The following TRPM1 variants were observed in gnomAD, a reference collection of about 807,000 sequenced individuals.
The protein encoded by TRPM1 is transient receptor potential cation channel subfamily M member 1.
TRPM1 carries 113 observed loss-of-function variants against 149.4 expected under a neutral mutation model. The observed-to-expected ratio is 0.76, with a 90% confidence interval of 0.65 to 0.88. TRPM1 has a LOEUF of 0.88. Among genes scored for constraint, TRPM1 ranks in the 40% least tolerant of loss-of-function variants. TRPM1 has a pLI of 0.00. For missense variants in TRPM1, 1,976 were observed against 2,038.7 expected (o/e 0.97, Z 0.59); for synonymous variants, 741 against 759.5 (o/e 0.98, Z 0.40).
chr15:31,113,137 G>A (rs571977208), intron 1 of TRPM1, among the ~76,000 whole-genome samples: 1 of 152,064 alleles, frequency 6.6e-6, no homozygotes, highest in African/African-American at 2.4e-5. Flanking sequence ...ACCTCTCACT[G>A]TGTCTTCTGC....
intron 1 of TRPM1, among the ~76,000 whole-genome samples, chr15:31,139,040 A>G (rs2141050305): frequency 6.6e-6 from 1 of 152,138 alleles, no homozygotes; most frequent in Admixed American, 6.5e-5. Context: ...GGCACTTGAG[A>G]CTCAAGTGCA....
chr15:31,053,931 A>G (rs2034015201), intron 11 of TRPM1, among the ~76,000 whole-genome samples: 1 of 152,246 alleles, frequency 6.6e-6, no homozygotes, highest in African/African-American at 2.4e-5. Flanking sequence ...GACAAATGCT[A>G]CAACACGGAT....
chr15:31,120,983 CT>C (rs1308517396), intron 1 of TRPM1, among the ~76,000 whole-genome samples: 4 of 152,050 alleles, frequency 2.6e-5, no homozygotes, highest in Non-Finnish European at 5.9e-5. Flanking sequence ...AATCCCAGCA[CT>C]TTGGGAGGTC....
chr15:31,152,566 C>T (rs1277138605), intron 1 of TRPM1, among the ~76,000 whole-genome samples: 1 of 152,158 alleles, frequency 6.6e-6, no homozygotes, highest in East Asian at 1.9e-4. Flanking sequence ...TGACGGGAAG[C>T]AGGGGATTTG....
intron 1 of TRPM1, among the ~76,000 whole-genome samples, chr15:31,095,504 G>C (rs2035353766): frequency 6.6e-6 from 1 of 151,632 alleles, no homozygotes; most frequent in Admixed American, 6.6e-5. Context: ...GGCCAACATG[G>C]TGAAACCTCG....
intron 24 of TRPM1, among the ~76,000 whole-genome samples, chr15:31,029,003 G>C (rs1206251991): frequency 6.6e-6 from 1 of 151,884 alleles, no homozygotes; most frequent in South Asian, 2.1e-4. Context: ...TTGTTTTCTT[G>C]GTTTCACTGA....
chr15:31,002,972 T>C lies in TRPM1; in HGVS notation c.3728A>G (p.Glu1243Gly), dbSNP rs1451847812. Residue 1243 changes from glutamate (E) to glycine (G), a missense_variant, in exon 28 of 28, where the codon GAA becomes GGA. Transcript: ENST00000256552. Reference sequence around the variant, plus strand: ...ATTCACCATTCTGTTAGATAATTCTTCTAGCTGAGCAAGTCGAAGGTCAAC... The same window carrying C: ...ATTCACCATTCTGTTAGATAATTCTCCTAGCTGAGCAAGTCGAAGGTCAAC... ...QTVDLRLAQL[E>G]ELSNRMVNAL... is the part of the protein sequence containing the mutation. 1 of 1,598,090 alleles carries C rather than the reference T, an allele frequency of 6.3e-7. No homozygotes were observed. Among genetic ancestry groups the C allele is most frequent in the East Asian group, 2.2e-5 (1 of 44,708 alleles).
chr15:31,049,612 C>T, intron 12 of TRPM1, 103 bp from the exon 13 acceptor site: 1 of 1,265,100 alleles, frequency 7.9e-7, no homozygotes, highest in East Asian at 2.3e-5. Flanking sequence ...ACGCCAGATT[C>T]CAGAGCACTC....
chr15:31,017,129 AC>A (rs568729964), intron 27 of TRPM1, among the ~76,000 whole-genome samples: 2 of 151,986 alleles, frequency 1.3e-5, no homozygotes, highest in African/African-American at 4.8e-5. Context: ...ACATGGTGAA[AC>A]CCCCGTCTCT....
intron 15 of TRPM1, 57 bp downstream of exon 15, chr15:31,047,054 C>T (rs1054820401): frequency 1.9e-5 from 30 of 1,612,378 alleles, no homozygotes; most frequent in East Asian, 8.9e-5. Context: ...GAAAAGCAAG[C>T]GAGGAACCAC....
At chr15:31,161,083 G>T (rs930506191) in exon 1 of TRPM1, 16 of 985,284 alleles carry the variant, frequency 1.6e-5, no homozygotes, top group Non-Finnish European at 2.3e-5. Flanking sequence ...CCCCACACTC[G>T]GCGGCAGCCC....
At chr15:31,025,170 G>A (rs1359016534) in intron 27 of TRPM1, among the ~76,000 whole-genome samples, 1 of 152,166 alleles carries the variant, frequency 6.6e-6, no homozygotes, top group Non-Finnish European at 1.5e-5. Context: ...TTAATTCTGT[G>A]TACTCAAGGA....
At position 31,002,472 on chromosome 15, in the gene TRPM1, G is replaced by T; in HGVS notation, c.4228C>A (p.His1410Asn). Residue 1410 changes from histidine to asparagine, a missense_variant, in exon 28 of 28, where the codon CAT (histidine) becomes AAT (asparagine). His to Asn is a moderately conservative substitution (Grantham distance 68, BLOSUM62 1). Around this residue, in one of 3 missense-constraint regions of TRPM1, gnomAD observed 572 missense variants for 578.9 expected, o/e 0.99. Coordinates refer to ENST00000256552, the MANE Select transcript of TRPM1 (RefSeq NM_001252024.2). ...TGAACATCTGATTTGTCCTGTCCATGTATCACATCTGTTTTATTTAAACTT... is the reference window on the plus strand; with the variant it reads ...TGAACATCTGATTTGTCCTGTCCATTTATCACATCTGTTTTATTTAAACTT... ...SPSLNKTDVI[H>N]GQDKSDVQNT... The T allele has an allele frequency of 6.2e-7, 1 of 1,614,196 alleles. No homozygotes were observed. The highest frequency in any genetic ancestry group is 1.7e-5 in the Admixed American group (1 of 60,022).
chr15:31,123,907 T>A (rs2035911003), intron 1 of TRPM1, among the ~76,000 whole-genome samples: 1 of 32,384 alleles, frequency 3.1e-5, no homozygotes, highest in Non-Finnish European at 6.5e-5. Flanking sequence ...ACAGCTTTAT[T>A]CATCATAATT....
intron 1 of TRPM1, among the ~76,000 whole-genome samples, chr15:31,113,551 A>AT (rs1214558645): frequency 2.0e-5 from 3 of 149,434 alleles, no homozygotes; most frequent in African/African-American, 7.6e-5. Context: ...TACTCCTAAA[A>AT]TGTTTTTTTT....
intron 3 of TRPM1, among the ~76,000 whole-genome samples, chr15:31,071,588 C>T (rs374988301): frequency 1.3e-5 from 2 of 151,796 alleles, no homozygotes; most frequent in East Asian, 3.9e-4. Context: ...ATCTTCCCTC[C>T]CTCACTCCCT....
chr15:31,134,792 G>A (rs1262456740), intron 1 of TRPM1, among the ~76,000 whole-genome samples: 1 of 152,168 alleles, frequency 6.6e-6, no homozygotes, highest in East Asian at 1.9e-4. Flanking sequence ...ACCTGTGGTC[G>A]GGAGTTTGAG....
chr15:31,023,637 T>A (rs1184085609), intron 27 of TRPM1, among the ~76,000 whole-genome samples: 2 of 152,154 alleles, frequency 1.3e-5, no homozygotes, highest in South Asian at 2.1e-4. Context: ...CAGAACTTGA[T>A]GATTGTTAGT....
intron 3 of TRPM1, among the ~76,000 whole-genome samples, chr15:31,072,593 C>T (rs923090145): frequency 6.6e-6 from 1 of 152,124 alleles, no homozygotes; most frequent in East Asian, 1.9e-4. Flanking sequence ...TTCTGAAGAA[C>T]CACCAAACTG....
Sources: gnomAD v4.1 joint callset for allele counts (sites outside exome capture counted in the v4.1 genomes callset) on GRCh38, gnomAD v4.1.1 for gene constraint, gnomAD v4.1.1 regional missense constraint, MANE v1.5 for transcripts, NCBI Gene and HGNC (gene_info 2026-07-23, HGNC 2026-07-21) for gene names.